CCDC178: variants seen among roughly 807,000 people sequenced by gnomAD.
CCDC178 encodes coiled-coil domain-containing protein 178.
Under a neutral mutation model 117.4 loss-of-function variants are expected in CCDC178, and 126 were observed. The observed-to-expected ratio is 1.07, with a 90% CI of 0.93 to 1.24. The LOEUF is 1.24. CCDC178 is among the 50% of genes most tolerant of loss of function. CCDC178 has a pLI of 0.00. For missense variants in CCDC178, 1,030 were observed against 986.9 expected (o/e 1.04, Z -0.59); for synonymous variants, 283 against 313.4 (o/e 0.90, Z 1.02).
chr18:33,033,213 C>G (rs996728213), intron 21 of CCDC178, among the ~76,000 whole-genome samples: 3 of 151,952 alleles, frequency 2.0e-5, no homozygotes, highest in African/African-American at 7.2e-5. Context: ...GGAGAGGGTC[C>G]TTGAAAAAAA....
At chr18:33,254,107 A>G (rs2059649027) in intron 14 of CCDC178, among the ~76,000 whole-genome samples, 1 of 151,968 alleles carries the variant, frequency 6.6e-6, no homozygotes, top group African/African-American at 2.4e-5. Context: ...TGGAACAGAA[A>G]GAGACACAAG....
chr18:33,171,841 G>A (rs2058603877), intron 20 of CCDC178, among the ~76,000 whole-genome samples: 1 of 152,178 alleles, frequency 6.6e-6, no homozygotes, highest in Non-Finnish European at 1.5e-5. Context: ...CTATATTTGC[G>A]AAACTTCGGT....
chr18:33,264,940 T>C (rs2059794941), intron 14 of CCDC178, among the ~76,000 whole-genome samples: 1 of 152,094 alleles, frequency 6.6e-6, no homozygotes, highest in Admixed American at 6.6e-5. Context: ...AATAAGTGCC[T>C]GCTGTCACAC....
intron 2 of CCDC178, among the ~76,000 whole-genome samples, chr18:33,432,034 G>A (rs1030744627): frequency 1.3e-5 from 2 of 152,138 alleles, no homozygotes; most frequent in African/African-American, 4.8e-5. Context: ...TGCACTGCAG[G>A]CTGCATCACA....
chr18:33,428,730 C>CAAAA (rs35234261), intron 2 of CCDC178, among the ~76,000 whole-genome samples: 15 of 42,324 alleles, frequency 3.5e-4, no homozygotes, highest in African/African-American at 9.9e-4. Context: ...GACTCTGTCT[C>CAAAA]AAAAAAAAAA....
Position 33,171,942 on chromosome 18 carries a change from G to T in CCDC178, c.2238+39954C>A, listed in dbSNP as rs536683431. Among the ~76,000 whole-genome samples the T allele has an allele frequency of 2.0e-5, 3 of 152,136 alleles. No homozygotes were observed. In the South Asian group the frequency reaches 6.2e-4, roughly 31 times the overall value. On this transcript the variant is annotated intron_variant, in intron 20 of 22. Coordinates refer to ENST00000383096, the MANE Select transcript of CCDC178 (RefSeq NM_001105528.4). Reference sequence around the variant, plus strand: ...TTGTTTTGTTTTGAGATGGGATCTTGCTCTGTCACCCAGGCTGGAGTGCAG... The same window carrying T: ...TTGTTTTGTTTTGAGATGGGATCTTTCTCTGTCACCCAGGCTGGAGTGCAG...
intron 21 of CCDC178, among the ~76,000 whole-genome samples, chr18:33,056,206 C>T (rs958766827): frequency 1.1e-4 from 17 of 152,210 alleles, no homozygotes; most frequent in Non-Finnish European, 1.9e-4. Flanking sequence ...CTACCATCAT[C>T]TGGCTTCTGC....
intron 21 of CCDC178, among the ~76,000 whole-genome samples, chr18:33,088,530 T>G (rs547821664): frequency 6.6e-6 from 1 of 152,300 alleles, no homozygotes; most frequent in African/African-American, 2.4e-5. Context: ...TTTATTTGTG[T>G]GTGTGTTAAT....
intron 20 of CCDC178, among the ~76,000 whole-genome samples, chr18:33,203,445 A>G (rs1417035528): frequency 6.6e-6 from 1 of 152,100 alleles, no homozygotes; most frequent in Non-Finnish European, 1.5e-5. Context: ...TGCTTTATTG[A>G]TATGCCTAGT....
intron 21 of CCDC178, among the ~76,000 whole-genome samples, chr18:33,054,318 G>A (rs1369236845): frequency 1.3e-5 from 2 of 152,078 alleles, no homozygotes; most frequent in Non-Finnish European, 2.9e-5. Context: ...GTGCAGGTTT[G>A]TTACATAGGT....
intron 20 of CCDC178, among the ~76,000 whole-genome samples, chr18:33,172,907 C>G (rs1180510817): frequency 2.6e-5 from 4 of 152,212 alleles, no homozygotes; most frequent in East Asian, 1.9e-4. Flanking sequence ...TTTTTAATAA[C>G]TGATATATAT....
At position 33,223,142 on chromosome 18, in the gene CCDC178, CTT is replaced by C. The variant is rs1568068064; in HGVS notation, c.1894_1895del (p.Lys632GlyfsTer6). 1 of 1,606,282 alleles carries C rather than the reference CTT, an allele frequency of 6.2e-7. No individual in the cohort carries two copies. The highest frequency in any genetic ancestry group is 8.5e-7 in the Non-Finnish European group (1 of 1,175,244). On this transcript the variant is annotated frameshift_variant, in exon 18 of 23. Transcript: ENST00000383096. LOFTEE classifies it high-confidence loss of function. ...VGKVKKKLRK[K>X]GKKTLDALIE... is the part of the protein sequence containing the mutation. ...TTAATGCATCAAGGGTTTTCTTCCC[CTT>C]TTTTCGTAATTTTTTCTTTACTTTT...
chr18:33,306,922 C>A (rs2062263732), intron 11 of CCDC178, among the ~76,000 whole-genome samples: 1 of 152,114 alleles, frequency 6.6e-6, no homozygotes, highest in Non-Finnish European at 1.5e-5. Context: ...AGCTCTTATA[C>A]TTCTCCTTCC....
chr18:33,434,298 AG>A (rs2064260375), intron 2 of CCDC178, among the ~76,000 whole-genome samples: 1 of 152,184 alleles, frequency 6.6e-6, no homozygotes, highest in African/African-American at 2.4e-5. Flanking sequence ...AAAAATAATA[AG>A]CAGCATTGGG....
chr18:33,138,869 A>C (rs1274548007), intron 20 of CCDC178, among the ~76,000 whole-genome samples: 1 of 152,156 alleles, frequency 6.6e-6, no homozygotes, highest in Admixed American at 6.5e-5. Context: ...CAGTCCCCTA[A>C]TCTTCAATAG....
At chr18:32,961,619 G>A (rs1037267493) in intron 22 of CCDC178, among the ~76,000 whole-genome samples, 1 of 152,084 alleles carries the variant, frequency 6.6e-6, no homozygotes, top group Non-Finnish European at 1.5e-5. Context: ...AATAGTTTTG[G>A]GATGAAACTG....
chr18:33,260,902 A>G (rs1480569401), intron 14 of CCDC178, among the ~76,000 whole-genome samples: 2 of 151,814 alleles, frequency 1.3e-5, no homozygotes, highest in Non-Finnish European at 2.9e-5. Flanking sequence ...CTTTCTACTC[A>G]TTTCCACTGG....
At chr18:32,982,641 G>C (rs2055176535) in intron 21 of CCDC178, among the ~76,000 whole-genome samples, 1 of 152,000 alleles carries the variant, frequency 6.6e-6, no homozygotes, top group Non-Finnish European at 1.5e-5. Context: ...AGTTTCAACT[G>C]GTAGTTGAAA....
intron 10 of CCDC178, among the ~76,000 whole-genome samples, chr18:33,327,193 T>G (rs1475732676): frequency 6.6e-6 from 1 of 152,248 alleles, no homozygotes; most frequent in African/African-American, 2.4e-5. Flanking sequence ...TTTATATAAA[T>G]GAATTACGCA....
Sources: gnomAD v4.1 joint callset for allele counts (sites outside exome capture counted in the v4.1 genomes callset) on GRCh38, gnomAD v4.1.1 for gene constraint, MANE v1.5 for transcripts, NCBI Gene and HGNC (gene_info 2026-07-23, HGNC 2026-07-21) for gene names.